Variants in CHD1L observed in about 807,000 individuals in gnomAD.
CHD1L encodes the protein chromodomain helicase DNA binding protein 1 like, also known as ATP-dependent chromatin remodeler CHD1L.
Under a neutral mutation model 115.9 loss-of-function variants are expected in CHD1L, and 118 were observed. The ratio of observed to expected loss-of-function variants is 1.02; its 90% CI spans 0.88 to 1.19. The LOEUF is 1.19. CHD1L is among the 50% of genes most tolerant of loss of function. The pLI, the probability that CHD1L is intolerant of heterozygous loss-of-function variation, is 0.00. For synonymous variants in CHD1L, 411 were observed against 387.1 expected (o/e 1.06, Z -0.72); for missense variants, 1,179 against 1,065.3 (o/e 1.11, Z -1.49).
the CHD1L span, chr1:147,184,613 G>GT: frequency 6.5e-7 from 1 of 1,546,874 alleles, no homozygotes; most frequent in Non-Finnish European, 8.7e-7. The surrounding 1 kb of genome is among the most constrained non-coding windows in gnomAD (Gnocchi z 4.4). Context: ...TTTGTCTGAT[G>GT]TTTTTCTCAT....
chr1:147,287,875 C>G lies in CHD1L; in HGVS notation c.2320+142C>G, dbSNP rs1022237501. 1.3e-4 allele frequency: 83 copies of G among 646,538 alleles called. 1 individual carries two copies. In the African/African-American group the frequency reaches 1.5e-3, roughly 12 times the overall value. 40.1% of individuals were successfully genotyped at this position (646,538 alleles called of 1,614,324 possible). The stretch of plus-strand genomic sequence containing the variant: ...ACTGAATTCTGTCATAAATTAGCTA[C>G]TTGTTCTGTGACTTCAAGGCATTCC... On this transcript the variant is annotated intron_variant, in intron 19 of 22. Coordinates refer to ENST00000369258, the MANE Select transcript of CHD1L (RefSeq NM_004284.6).
At chr1:147,280,001 G>T (rs781892427) in intron 14 of CHD1L, 25 bp from the exon 15 acceptor site, 1 of 1,612,874 alleles carries the variant, frequency 6.2e-7, no homozygotes, top group South Asian at 1.1e-5. Flanking sequence ...GAATTTGCTG[G>T]ACTTTTTTGT....
rs781848220 is a variant in CHD1L at position 147,266,012 on chromosome 1, A to T, written c.820A>T (p.Thr274Ser). The T allele has an allele frequency of 1.9e-6, 3 of 1,613,928 alleles. No homozygotes were observed. Among genetic ancestry groups the T allele is most frequent in the Non-Finnish European group, 2.5e-6 (3 of 1,179,882 alleles). ...AEVATELPKKTEVVIYHGMSA... is the reference protein window; with the variant it reads ...AEVATELPKKSEVVIYHGMSA... ...GGTAGCTACAGAGCTTCCCAAGAAGACAGAAGTAGTGATATACCATGGCAT... is the reference window on the plus strand; with the variant it reads ...GGTAGCTACAGAGCTTCCCAAGAAGTCAGAAGTAGTGATATACCATGGCAT... Residue 274 changes from threonine (T) to serine (S), a missense_variant, in exon 8 of 23, where the codon ACA becomes TCA. Coordinates refer to ENST00000369258, the MANE Select transcript of CHD1L (RefSeq NM_004284.6).
chr1:147,265,830 C>A, intron 7 of CHD1L, 102 bp from the exon 8 acceptor site: 2 of 1,059,750 alleles, frequency 1.9e-6, no homozygotes, highest in Non-Finnish European at 2.6e-6. Context: ...GCAAAATAAG[C>A]GTGAAATAAG....
At chr1:147,182,876 T>C in the CHD1L span, among the ~76,000 whole-genome samples, 6 of 152,196 alleles carry the variant, frequency 3.9e-5, no homozygotes, top group Non-Finnish European at 5.9e-5. Flanking sequence ...GACATATCAC[T>C]TGTGTTTTAA....
chr1:147,178,769 C>T, the CHD1L span: 1 of 1,602,536 alleles, frequency 6.2e-7, no homozygotes, highest in Non-Finnish European at 8.6e-7. Context: ...GAGGACAAGA[C>T]TGTGGCATAT....
the CHD1L span, chr1:147,210,391 C>T: frequency 1.3e-5 from 2 of 152,218 alleles, no homozygotes; most frequent in Admixed American, 1.3e-4. Flanking sequence ...CACTATGAAA[C>T]TCTCTGGAGA....
chr1:147,243,616 C>A (rs1213468921), intron 1 of CHD1L, among the ~76,000 whole-genome samples: 1 of 152,102 alleles, frequency 6.6e-6, no homozygotes, highest in African/African-American at 2.4e-5. Context: ...GCCGCTGAAC[C>A]GCCCCAGCCT....
At chr1:147,186,932 C>T in the CHD1L span, 3 of 1,613,946 alleles carry the variant, frequency 1.9e-6, no homozygotes, top group Non-Finnish European at 2.5e-6. Context: ...GCAAAGAAGG[C>T]AAGAGCTAGC....
At chr1:147,264,699 G>T in intron 7 of CHD1L, 115 bp downstream of exon 7, 1 of 1,071,000 alleles carries the variant, frequency 9.3e-7, no homozygotes, top group South Asian at 1.6e-5. Context: ...ACACCTTCCA[G>T]GGAGACAGAC....
intron 1 of CHD1L, among the ~76,000 whole-genome samples, chr1:147,251,774 G>T (rs1553936497): frequency 1.3e-5 from 2 of 151,970 alleles, no homozygotes; most frequent in African/African-American, 4.8e-5. Flanking sequence ...CAGGTGATCT[G>T]CCTGCCTCAG....
chr1:147,266,020 A>G lies in CHD1L; in HGVS notation c.828A>G (p.Val276=). The change falls in exon 8 of 23, where the codon GTA becomes GTG. Residue 276 remains valine, a synonymous_variant. Coordinates refer to ENST00000369258, the MANE Select transcript of CHD1L (RefSeq NM_004284.6). ...CAGAGCTTCCCAAGAAGACAGAAGT[A>G]GTGATATACCATGGCATGTCAGCAT... The part of the protein sequence containing the change: ...VATELPKKTE[V]VIYHGMSALQ... 1 of 1,613,934 alleles carries G rather than the reference A, an allele frequency of 6.2e-7. No homozygotes were observed. The highest frequency in any genetic ancestry group is 8.5e-7 in the Non-Finnish European group (1 of 1,179,848).
chr1:147,275,328 T>G (rs1677940200), intron 12 of CHD1L, 26 bp from the exon 13 acceptor site: 1 of 1,546,922 alleles, frequency 6.5e-7, no homozygotes, highest in Non-Finnish European at 8.9e-7. Flanking sequence ...TGCTGCTGAT[T>G]ACATTCCTTT....
upstream of CHD1L, chr1:147,242,524 A>C: frequency 3.5e-6 from 2 of 570,064 alleles, no homozygotes; most frequent in Non-Finnish European, 5.2e-6. Context: ...GCACTGCAAG[A>C]ACTGCCTGTC....
At chr1:147,198,850 C>CAAAAAAA in the CHD1L span, among the ~76,000 whole-genome samples, 8 of 51,770 alleles carry the variant, frequency 1.5e-4, no homozygotes, top group Admixed American at 2.5e-4. Context: ...GACTGCATCT[C>CAAAAAAA]AAAAAAAAAA....
chr1:147,275,782 T>TA (rs1344302937), intron 13 of CHD1L, among the ~76,000 whole-genome samples: 6,566 of 139,232 alleles, frequency 0.047, 198 homozygotes, highest in African/African-American at 0.083. Context: ...GGAGCTAAGC[T>TA]AAAAAAAAAA....
chr1:147,286,533 C>A, intron 18 of CHD1L, 33 bp downstream of exon 18: 2 of 1,600,630 alleles, frequency 1.2e-6, no homozygotes, highest in South Asian at 2.2e-5. Context: ...GGGATGGGGG[C>A]CTCAGTCCTT....
At chr1:147,203,943 T>A in the CHD1L span, 1 of 1,341,284 alleles carries the variant, frequency 7.5e-7, no homozygotes, top group Non-Finnish European at 1.1e-6. Context: ...GGAAGAGCTG[T>A]AGCACCAACT....
At chr1:147,203,974 A>T in the CHD1L span, 35 of 1,217,036 alleles carry the variant, frequency 2.9e-5, no homozygotes, top group African/African-American at 4.6e-4. Context: ...GTCTTCGGAC[A>T]TCCCATTTTG....
Sources: gnomAD v4.1 joint callset for allele counts (sites outside exome capture counted in the v4.1 genomes callset) on GRCh38, gnomAD v4.1.1 for gene constraint, Gnocchi (gnomAD v3.1) non-coding constraint, MANE v1.5 for transcripts, NCBI Gene and HGNC (gene_info 2026-07-23, HGNC 2026-07-21) for gene names.